Variants in BTNL8 observed in about 807,000 individuals in gnomAD.
The protein encoded by BTNL8 is butyrophilin like 8.
BTNL8 carries 22 observed loss-of-function variants against 36.1 expected under a neutral mutation model. The ratio of observed to expected loss-of-function variants is 0.61; its 90% confidence interval spans 0.44 to 0.87. The LOEUF (loss-of-function observed/expected upper bound fraction) is 0.87, where lower values mean the gene tolerates loss of function less well. Among genes scored for constraint, BTNL8 ranks in the 40% least tolerant of loss-of-function variants. The pLI, the probability that BTNL8 is intolerant of heterozygous loss-of-function variation, is 0.00. For missense variants in BTNL8, 526 were observed against 616.9 expected (o/e 0.85, Z 1.56); for synonymous variants, 203 against 235.6 (o/e 0.86, Z 1.27).
intron 4 of BTNL8, 184 bp downstream of exon 4, chr5:180,947,809 T>G: frequency 5.1e-6 from 8 of 1,581,164 alleles, no homozygotes; most frequent in Non-Finnish European, 6.9e-6. Flanking sequence ...AAATATCAAC[T>G]ACGACAGCCC....
intron 1 of BTNL8, among the ~76,000 whole-genome samples, chr5:180,900,235 C>G (rs759555049): frequency 7.2e-5 from 11 of 152,178 alleles, no homozygotes; most frequent in Non-Finnish European, 1.5e-4. Flanking sequence ...GCAGGACATC[C>G]TGGAAATGAT....
Position 180,949,262 on chromosome 5 carries a change from G to A in BTNL8, c.859G>A (p.Ala287Thr), listed in dbSNP as rs768102519. 3.1e-5 allele frequency: 46 copies of A among 1,460,574 alleles called. 10 individuals are homozygous for A. The highest frequency in any genetic ancestry group is 7.8e-5 in the South Asian group (7 of 89,206). 90.5% of individuals were successfully genotyped at this position (1,460,574 alleles called of 1,614,324 possible). A position where few individuals can be genotyped will look rare whatever the true frequency, so the allele number is the denominator to read the frequency against. ...AGAATTGAGAGACGCCCGGAAACACGCAGGTACCAACGCCTGAGAGGGTGA... is the reference window on the plus strand; with the variant it reads ...AGAATTGAGAGACGCCCGGAAACACACAGGTACCAACGCCTGAGAGGGTGA... The part of the protein sequence containing the change: ...QAELRDARKH[A>T]VEVTLDPETA... Residue 287 changes from alanine to threonine, a missense_variant, in exon 7 of 8, where the codon GCA becomes ACA. Physicochemically the swap from Ala to Thr is moderately conservative, Grantham distance 58. Transcript: ENST00000340184.
chr5:180,927,112 C>T (rs1417038543), intron 3 of BTNL8, among the ~76,000 whole-genome samples: 25 of 152,196 alleles, frequency 1.6e-4, no homozygotes, highest in Admixed American at 1.6e-3. Context: ...TGGGACGAAC[C>T]TTACAGAGGA....
chr5:180,910,539 C>T (rs1452011957), intron 2 of BTNL8, among the ~76,000 whole-genome samples: 3 of 152,224 alleles, frequency 2.0e-5, no homozygotes, highest in Non-Finnish European at 4.4e-5. Flanking sequence ...AAGCTCCATT[C>T]TATAAAATCC....
chr5:180,899,427 C>T lies in BTNL8; in HGVS notation c.49+68C>T, dbSNP rs146939473. ...AGTTCTTTAGCTACAATGGTTGCAG[C>T]ATAATGGAATGAAGGCATCTTTGTC... On this transcript the variant is annotated intron_variant, in intron 1 of 7. Transcript: ENST00000340184. 4.5e-4 allele frequency: 682 copies of T among 1,521,298 alleles called. 2 individuals carry two copies. In the African/African-American group the frequency reaches 8.6e-3, roughly 19 times the overall value. 94.2% of individuals were successfully genotyped at this position (1,521,298 alleles called of 1,614,324 possible).
intron 3 of BTNL8, among the ~76,000 whole-genome samples, chr5:180,917,830 C>T (rs532613628): frequency 6.6e-6 from 1 of 152,022 alleles, no homozygotes; most frequent in Admixed American, 6.5e-5. Flanking sequence ...AGATCGAGAC[C>T]ATCCTGGCTA....
intron 3 of BTNL8, among the ~76,000 whole-genome samples, chr5:180,920,642 C>A (rs539444112): frequency 6.6e-6 from 1 of 151,904 alleles, no homozygotes; most frequent in African/African-American, 2.4e-5. Flanking sequence ...AGATAATCAA[C>A]AAAATAAAAA....
chr5:180,899,708 T>A (rs1424738273), intron 1 of BTNL8, among the ~76,000 whole-genome samples: 1 of 152,124 alleles, frequency 6.6e-6, no homozygotes, highest in Non-Finnish European at 1.5e-5. Context: ...CAGTTAGGAT[T>A]TTTGGGGAAA....
chr5:180,908,863 T>C lies in BTNL8; in HGVS notation c.327T>C (p.Ala109=). 1 of 1,614,196 alleles carries C rather than the reference T, an allele frequency of 6.2e-7. No individual in the cohort carries two copies. Among genetic ancestry groups the C allele is most frequent in the Non-Finnish European group, 8.5e-7 (1 of 1,180,026 alleles). Residue 109 remains alanine (A), a synonymous_variant, in exon 2 of 8, where the codon GCT becomes GCC. Coordinates refer to ENST00000340184, the MANE Select transcript of BTNL8 (RefSeq NM_001040462.3). ...TGGAAAACATTACTGTGTTGGATGC[T>C]GGCCTCTATGGGTGCAGGATTAGTT... ...LRLENITVLD[A]GLYGCRISSQ...
chr5:180,916,685 G>A (rs1380104485), intron 3 of BTNL8, among the ~76,000 whole-genome samples: 1 of 152,074 alleles, frequency 6.6e-6, no homozygotes, highest in Non-Finnish European at 1.5e-5. Flanking sequence ...TGAGACTATC[G>A]TAGTTCTCCC....
In BTNL8 at chr5:180,927,570, G is replaced by C. The variant is rs140143096; in HGVS notation, c.673+15956G>C. 8.0e-3 allele frequency among the ~76,000 whole-genome samples: 1,213 copies of C among 152,242 alleles called. 17 individuals carry two copies. The highest frequency in any genetic ancestry group is 0.027 in the African/African-American group (1,121 of 41,536). On this transcript the variant is annotated intron_variant, in intron 3 of 7. Transcript: ENST00000340184. ...GCATGTTCTAACCCAATGCAAGGAAGCTAAGAACCTTGAAAAAAGGTTAGA... is the reference window on the plus strand; with the variant it reads ...GCATGTTCTAACCCAATGCAAGGAACCTAAGAACCTTGAAAAAAGGTTAGA...
intron 3 of BTNL8, among the ~76,000 whole-genome samples, chr5:180,923,400 C>G (rs1757957564): frequency 6.6e-6 from 1 of 152,072 alleles, no homozygotes; most frequent in Admixed American, 6.5e-5. Context: ...ATAAGATTCT[C>G]TATAGATGTT....
intron 3 of BTNL8, among the ~76,000 whole-genome samples, chr5:180,912,275 G>T (rs1390886528): frequency 6.6e-6 from 1 of 152,092 alleles, no homozygotes; most frequent in Non-Finnish European, 1.5e-5. Flanking sequence ...TGGCTCTCCT[G>T]GGGCTCCAGA....
At chr5:180,946,728 T>C (rs1467106052) in intron 3 of BTNL8, among the ~76,000 whole-genome samples, 3 of 152,210 alleles carry the variant, frequency 2.0e-5, no homozygotes, top group Non-Finnish European at 2.9e-5. Flanking sequence ...TAATATATTG[T>C]ATATTTCAGA....
At chr5:180,923,294 A>G (rs1199758770) in intron 3 of BTNL8, among the ~76,000 whole-genome samples, 1 of 152,174 alleles carries the variant, frequency 6.6e-6, no homozygotes. Flanking sequence ...ATATATTATG[A>G]CTGAATTGAG....
intron 3 of BTNL8, among the ~76,000 whole-genome samples, chr5:180,937,152 G>A (rs1252366657): frequency 6.6e-6 from 1 of 152,190 alleles, no homozygotes; most frequent in Non-Finnish European, 1.5e-5. Flanking sequence ...GCTGCTGCAT[G>A]CTACGTGCAT....
At chr5:180,927,390 G>T (rs1197174317) in intron 3 of BTNL8, among the ~76,000 whole-genome samples, 3 of 152,200 alleles carry the variant, frequency 2.0e-5, no homozygotes, top group African/African-American at 7.2e-5. Flanking sequence ...GTGCAAAAAG[G>T]CTGAAAATTC....
At chr5:180,938,464 C>T (rs1020032751) in intron 3 of BTNL8, among the ~76,000 whole-genome samples, 1 of 152,014 alleles carries the variant, frequency 6.6e-6, no homozygotes. Flanking sequence ...ATAAAAGTGT[C>T]ATGCTACGTA....
At chr5:180,911,677 C>CTGGG in intron 3 of BTNL8, 63 bp downstream of exon 3, 1 of 1,435,480 alleles carries the variant, frequency 7.0e-7, no homozygotes, top group Non-Finnish European at 9.5e-7. Flanking sequence ...AGAGGGAGGA[C>CTGGG]AGGAGCCTCC....
Sources: gnomAD v4.1 joint callset for allele counts (sites outside exome capture counted in the v4.1 genomes callset) on GRCh38, gnomAD v4.1.1 for gene constraint, MANE v1.5 for transcripts, NCBI Gene and HGNC (gene_info 2026-07-23, HGNC 2026-07-21) for gene names.